Variants in ZMAT4 observed in about 807,000 individuals in gnomAD.
ZMAT4 encodes the protein zinc finger matrin-type protein 4.
A neutral mutation model predicts 28.7 loss-of-function variants in ZMAT4; 17 were observed. The observed-to-expected ratio is 0.59, with a 90% confidence interval of 0.41 to 0.89. The LOEUF (loss-of-function observed/expected upper bound fraction) is 0.89. Ranked by LOEUF, ZMAT4 falls within the 40% of genes least tolerant of loss-of-function variation. The pLI, the probability that ZMAT4 is intolerant of heterozygous loss-of-function variation, is 0.00. For missense variants in ZMAT4, 240 were observed against 283.8 expected (o/e 0.85, Z 1.11); for synonymous variants, 117 against 109.2 (o/e 1.07, Z -0.44).
At chr8:40,851,124 C>T (rs1163196008) in intron 1 of ZMAT4, among the ~76,000 whole-genome samples, 1 of 152,080 alleles carries the variant, frequency 6.6e-6, no homozygotes, top group African/African-American at 2.4e-5. Context: ...GTCAGGATTT[C>T]GAGACCAGCC....
intron 5 of ZMAT4, among the ~76,000 whole-genome samples, chr8:40,641,020 A>G (rs1487158492): frequency 6.6e-6 from 1 of 152,108 alleles, no homozygotes; most frequent in Admixed American, 6.6e-5. Context: ...CAGCAACTAC[A>G]ATAGAACAGG....
At chr8:40,599,951 T>C (rs1316596762) in intron 5 of ZMAT4, among the ~76,000 whole-genome samples, 1 of 152,202 alleles carries the variant, frequency 6.6e-6, no homozygotes, top group Non-Finnish European at 1.5e-5. Context: ...AAGCAGAGTG[T>C]GGGACTCCCC....
chr8:40,825,717 C>T, intron 1 of ZMAT4, 37 bp from the exon 2 acceptor site: 1 of 1,490,890 alleles, frequency 6.7e-7, no homozygotes, highest in Non-Finnish European at 9.1e-7. Flanking sequence ...AATGAGTCCA[C>T]TGCTTTGATG....
chr8:40,533,959 C>T (rs1215375336), intron 6 of ZMAT4, among the ~76,000 whole-genome samples: 1 of 152,130 alleles, frequency 6.6e-6, no homozygotes, highest in Non-Finnish European at 1.5e-5. Flanking sequence ...CAAAGATGAA[C>T]ACTTTTGAGA....
chr8:40,601,606 GAAAGAAAGAAAGAAAGAAAGAAAGAAAGA>G (rs1563360574), intron 5 of ZMAT4, among the ~76,000 whole-genome samples: 5 of 17,980 alleles, frequency 2.8e-4, no homozygotes, highest in Non-Finnish European at 5.2e-4. Context: ...AAGAAAGAAA[GAAAGAAAGAAAGAAAGAAAGAAAGAAAGA>G]GAAAGAAAGA....
chr8:40,755,001 C>A (rs1317220868), intron 3 of ZMAT4, among the ~76,000 whole-genome samples: 3 of 151,572 alleles, frequency 2.0e-5, no homozygotes, highest in East Asian at 1.9e-4. Flanking sequence ...CAGAGAGTGA[C>A]CCTATCTTGA....
At chr8:40,656,197 G>T (rs1420140046) in intron 5 of ZMAT4, among the ~76,000 whole-genome samples, 3 of 151,964 alleles carry the variant, frequency 2.0e-5, no homozygotes, top group Non-Finnish European at 4.4e-5. Context: ...CACATGAAAA[G>T]ACACAATCTC....
At chr8:40,578,350 A>T (rs532387113) in intron 6 of ZMAT4, among the ~76,000 whole-genome samples, 1 of 152,226 alleles carries the variant, frequency 6.6e-6, no homozygotes, top group South Asian at 2.1e-4. Context: ...ACTATGCATA[A>T]AATTAACACT....
chr8:40,664,633 T>A (rs895361778), intron 5 of ZMAT4, among the ~76,000 whole-genome samples: 5 of 152,118 alleles, frequency 3.3e-5, no homozygotes, highest in Non-Finnish European at 7.3e-5. Flanking sequence ...TCTGTTACAA[T>A]ATTATGAAGA....
At chr8:40,806,203 T>G (rs1019617423) in intron 2 of ZMAT4, among the ~76,000 whole-genome samples, 4 of 152,218 alleles carry the variant, frequency 2.6e-5, no homozygotes, top group African/African-American at 9.6e-5. Context: ...TTTTTGCATG[T>G]GGGCAGTTCG....
At chr8:40,591,746 G>C (rs911696208) in intron 5 of ZMAT4, among the ~76,000 whole-genome samples, 1 of 152,132 alleles carries the variant, frequency 6.6e-6, no homozygotes, top group Non-Finnish European at 1.5e-5. Context: ...GAATTTGGTG[G>C]TATCAAGGAA....
At chr8:40,786,918 G>A (rs1411933664) in intron 2 of ZMAT4, 3 of 340,498 alleles carry the variant, frequency 8.8e-6, no homozygotes, top group Non-Finnish European at 1.7e-5. Context: ...AAACAGAACA[G>A]ACAGAGTCTG....
chr8:40,541,335 G>A (rs911606144), intron 6 of ZMAT4, among the ~76,000 whole-genome samples: 1 of 152,110 alleles, frequency 6.6e-6, no homozygotes, highest in African/African-American at 2.4e-5. Context: ...AAGGATCATG[G>A]GACGTGGTGG....
chr8:40,562,914 C>T (rs894835766), intron 6 of ZMAT4, among the ~76,000 whole-genome samples: 6 of 152,116 alleles, frequency 3.9e-5, no homozygotes, highest in African/African-American at 9.7e-5. Context: ...TCCTTTGTCA[C>T]GACGTGTGTG....
chr8:40,633,205 T>C (rs547957262), intron 5 of ZMAT4, among the ~76,000 whole-genome samples: 1 of 152,204 alleles, frequency 6.6e-6, no homozygotes, highest in Non-Finnish European at 1.5e-5. Flanking sequence ...TTGTCTAGAA[T>C]GTAAATTTTT....
intron 6 of ZMAT4, among the ~76,000 whole-genome samples, chr8:40,538,335 C>T (rs1233447182): frequency 6.6e-6 from 1 of 152,100 alleles, no homozygotes; most frequent in Non-Finnish European, 1.5e-5. Flanking sequence ...GCCTGGAAGC[C>T]TCCGAACCCC....
intron 2 of ZMAT4, among the ~76,000 whole-genome samples, chr8:40,812,792 C>T (rs1026452668): frequency 4.0e-5 from 6 of 151,796 alleles, no homozygotes; most frequent in East Asian, 1.9e-4. Context: ...ATTAGCTGGG[C>T]GTGGTGGCAG....
chr8:40,848,352 G>C (rs1816982581), intron 1 of ZMAT4, among the ~76,000 whole-genome samples: 1 of 152,200 alleles, frequency 6.6e-6, no homozygotes, highest in Non-Finnish European at 1.5e-5. Flanking sequence ...TTTTTAGTGT[G>C]ATGATTCTCA....
chr8:40,824,786 G>T (rs1486638913), intron 2 of ZMAT4, among the ~76,000 whole-genome samples: 2 of 151,358 alleles, frequency 1.3e-5, no homozygotes, highest in African/African-American at 4.9e-5. Context: ...AGAAAATAAA[G>T]AAATTCATGT....
Sources: gnomAD v4.1 joint callset for allele counts (sites outside exome capture counted in the v4.1 genomes callset) on GRCh38, gnomAD v4.1.1 for gene constraint, MANE v1.5 for transcripts, NCBI Gene and HGNC (gene_info 2026-07-23, HGNC 2026-07-21) for gene names.